Variants in ATP13A5 observed in about 807,000 individuals in gnomAD.
The protein encoded by ATP13A5 is probable cation-transporting ATPase 13A5.
ATP13A5 carries 149 observed loss-of-function variants against 150.2 expected under a neutral mutation model. The ratio of observed to expected loss-of-function variants is 0.99; its 90% CI spans 0.87 to 1.14. ATP13A5 has a LOEUF of 1.14. ATP13A5 is among the 50% of genes most tolerant of loss of function. The pLI is 0.00. For synonymous variants in ATP13A5, 497 were observed against 522.2 expected (o/e 0.95, Z 0.66); for missense variants, 1,383 against 1,449.3 (o/e 0.95, Z 0.74).
At chr3:193,304,432 C>T (rs934124726) in intron 23 of ATP13A5, among the ~76,000 whole-genome samples, 1 of 152,118 alleles carries the variant, frequency 6.6e-6, no homozygotes, top group African/African-American at 2.4e-5. Flanking sequence ...ACCTTTAGGT[C>T]AGTGATTCCT....
chr3:193,374,301 C>CACACACACACACACACAG (rs1441073312), intron 1 of ATP13A5, among the ~76,000 whole-genome samples: 3 of 144,226 alleles, frequency 2.1e-5, no homozygotes, highest in African/African-American at 7.7e-5. Flanking sequence ...CACACACACA[C>CACACACACACACACACAG]AGAGAGAGAG....
intron 5 of ATP13A5, among the ~76,000 whole-genome samples, chr3:193,361,162 C>T (rs1369221377): frequency 2.0e-5 from 3 of 152,162 alleles, no homozygotes; most frequent in Non-Finnish European, 4.4e-5. Flanking sequence ...CTTTACATGC[C>T]TTGTATTTAG....
chr3:193,344,030 G>T lies in ATP13A5; in HGVS notation c.840C>A (p.Leu280=), dbSNP rs765383922. The change falls in exon 9 of 30, where the codon CTC becomes CTA. Residue 280 remains leucine, a synonymous_variant. Coordinates refer to ENST00000342358, the MANE Select transcript of ATP13A5 (RefSeq NM_198505.4). ...DKGLEELESR[L]LVPGDILILP... is the part of the protein sequence containing the mutation. ...GAATAAGAATGTCTCCGGGAACCAA[G>T]AGACGGGATTCCAGCTCCTCCAAAC... The T allele has an allele frequency of 5.0e-6, 8 of 1,613,134 alleles. No homozygotes were observed. In the Admixed American group the frequency reaches 1.0e-4, roughly 20 times the overall value.
At chr3:193,330,860 A>T (rs1189965505) in intron 12 of ATP13A5, among the ~76,000 whole-genome samples, 4 of 152,306 alleles carry the variant, frequency 2.6e-5, no homozygotes, top group Admixed American at 6.5e-5. Flanking sequence ...AGATGGTTTT[A>T]AAAAAACCAC....
chr3:193,276,847 A>G lies in ATP13A5; in HGVS notation c.3316-17T>C. 9 of 1,587,540 alleles carry G rather than the reference A, an allele frequency of 5.7e-6. No individual in the cohort carries two copies. The highest frequency in any genetic ancestry group is 2.2e-5 in the East Asian group (1 of 44,706). On this transcript the variant is annotated splice_polypyrimidine_tract_variant and intron_variant, in intron 28 of 29. Transcript: ENST00000342358. ...TGGGATCAACTGTTGAAAAACAAAT[A>G]CCATTATTATATTTTGCACACTTCA...
At chr3:193,301,737 G>T (rs1488296251) in intron 23 of ATP13A5, among the ~76,000 whole-genome samples, 1 of 152,162 alleles carries the variant, frequency 6.6e-6, no homozygotes, top group African/African-American at 2.4e-5. Flanking sequence ...ATTGCATTGT[G>T]TGTGCTTTAG....
Position 193,315,163 on chromosome 3 carries a change from T to C in ATP13A5, c.2034-67A>G. On this transcript the variant is annotated intron_variant, in intron 17 of 29. Transcript: ENST00000342358. ...TAGGCTCCATAGTTCAATTTATTTC[T>C]TCTTTTAAAAATTTATAAGTTTTAT... 6 of 1,485,072 alleles carry C rather than the reference T, an allele frequency of 4.0e-6. No individual in the cohort carries two copies. The South Asian group carries it at 6.5e-5, about 16-fold the overall frequency. 92.0% of individuals were successfully genotyped at this position (1,485,072 alleles called of 1,614,324 possible).
chr3:193,330,470 C>T (rs951963244), intron 12 of ATP13A5, among the ~76,000 whole-genome samples: 1 of 152,286 alleles, frequency 6.6e-6, no homozygotes, highest in Non-Finnish European at 1.5e-5. Context: ...AGCAGTTAAA[C>T]TGGCCTGTCC....
intron 3 of ATP13A5, among the ~76,000 whole-genome samples, chr3:193,363,019 C>T (rs1160474722): frequency 6.6e-6 from 1 of 152,042 alleles, no homozygotes; most frequent in Non-Finnish European, 1.5e-5. Context: ...CCAGGCTGGT[C>T]TCAAACTCCT....
intron 25 of ATP13A5, among the ~76,000 whole-genome samples, chr3:193,292,101 T>C (rs979993982): frequency 7.2e-5 from 11 of 151,934 alleles, no homozygotes; most frequent in African/African-American, 2.7e-4. Context: ...ATCTGTAAAG[T>C]TTGGCCTAAT....
intron 6 of ATP13A5, 122 bp from the exon 7 acceptor site, chr3:193,351,323 A>G: frequency 8.4e-7 from 1 of 1,188,018 alleles, no homozygotes; most frequent in Non-Finnish European, 1.2e-6. Flanking sequence ...TCTAATATTT[A>G]AGAATTCACT....
Position 193,373,840 on chromosome 3 carries a change from G to A in ATP13A5, c.63+4823C>T, listed in dbSNP as rs548597617. Among the ~76,000 whole-genome samples, 5 of 152,330 alleles carry A rather than the reference G, an allele frequency of 3.3e-5. No homozygotes were observed. The South Asian group carries it at 1.0e-3, about 32-fold the overall frequency. On this transcript the variant is annotated intron_variant, in intron 1 of 29. Coordinates refer to ENST00000342358, the MANE Select transcript of ATP13A5 (RefSeq NM_198505.4). ...TCCAGGGCTCTGCCACTGTTCAGCA[G>A]AAGAAAATTACTTCGAAGCAAAATG... is the stretch of plus-strand genomic sequence containing the variant.
rs1263680102 is a variant in ATP13A5 at position 193,310,319 on chromosome 3, G to A, written c.2525+319C>T. Reference sequence around the variant, plus strand: ...TGTCTTTGCTATTGTGAATAGTGCTGCAGTGAACAGTCACATGCATGTGTC... The same window carrying A: ...TGTCTTTGCTATTGTGAATAGTGCTACAGTGAACAGTCACATGCATGTGTC... On this transcript the variant is annotated intron_variant, in intron 21 of 29. Coordinates refer to ENST00000342358, the MANE Select transcript of ATP13A5 (RefSeq NM_198505.4). Among the ~76,000 whole-genome samples the A allele has an allele frequency of 5.9e-5, 9 of 152,296 alleles. No individual in the cohort carries two copies. In the East Asian group the frequency reaches 1.5e-3, roughly 26 times the overall value.
chr3:193,336,924 C>T (rs1711892956), intron 9 of ATP13A5, among the ~76,000 whole-genome samples: 2 of 152,154 alleles, frequency 1.3e-5, no homozygotes, highest in Non-Finnish European at 2.9e-5. Flanking sequence ...TTAATGATTG[C>T]CATTCTAACT....
At position 193,362,574 on chromosome 3, in the gene ATP13A5, T is replaced by C. The variant is rs779339356; in HGVS notation, c.448A>G (p.Lys150Glu). The C allele has an allele frequency of 1.2e-6, 2 of 1,614,186 alleles. No homozygotes were observed. The highest frequency in any genetic ancestry group is 1.7e-6 in the Non-Finnish European group (2 of 1,180,016). ...ACAAAACATTGTACTTACCCAACTT[T>C]CTGAAACCGCTTCTCCAGGTCGTTC... ...VWNDLEKRFQ[K>E]VGLLEDSNSC... The change falls in exon 4 of 30, where the codon AAA becomes GAA. Residue 150 changes from lysine to glutamate, a missense_variant. Around this residue, in one of 3 missense-constraint regions of ATP13A5, gnomAD observed 787 missense variants for 771.9 expected, o/e 1.02. Transcript: ENST00000342358.
chr3:193,294,301 T>C (rs1189159228), intron 25 of ATP13A5, among the ~76,000 whole-genome samples: 1 of 149,606 alleles, frequency 6.7e-6, no homozygotes, highest in Non-Finnish European at 1.5e-5. Context: ...TGTTCTTAGA[T>C]TTTTTTGAGA....
chr3:193,275,213 C>A lies in ATP13A5; in HGVS notation c.3486G>T (p.Lys1162Asn). The change falls in exon 30 of 30, where the codon AAG (lysine) becomes AAT (asparagine). Residue 1162 changes from lysine (K) to asparagine (N), a missense_variant. By Grantham distance (94) the Lys-to-Asn change is moderately conservative (BLOSUM62 0). Transcript: ENST00000342358. ...YSKSQYRTWQ[K>N]KLAEDSTWPP... ...GCCAGGTTGAGTCTTCTGCTAGCTTCTTTTGCCAAGTCCTATATTGACTTT... is the reference window on the plus strand; with the variant it reads ...GCCAGGTTGAGTCTTCTGCTAGCTTATTTTGCCAAGTCCTATATTGACTTT... 6.2e-7 allele frequency: 1 copy of A among 1,614,172 alleles called. No homozygotes were observed. Among genetic ancestry groups the A allele is most frequent in the Non-Finnish European group, 8.5e-7 (1 of 1,180,024 alleles).
chr3:193,378,685 T>C lies in ATP13A5; in HGVS notation c.41A>G (p.Asn14Ser), dbSNP rs372420123. 3.3e-5 allele frequency: 53 copies of C among 1,613,864 alleles called. No homozygotes were observed. The highest frequency in any genetic ancestry group is 3.6e-5 in the Non-Finnish European group (43 of 1,179,866). Residue 14 changes from asparagine to serine, a missense_variant, in exon 1 of 30, where the codon AAC becomes AGC. By Grantham distance (46) the Asn-to-Ser change is conservative. This residue lies in a region of ATP13A5 where 787 missense variants were observed against 771.9 expected (regional missense o/e 1.02). Transcript: ENST00000342358. ...NSKKDHRALL[N>S]QGEEDELEVF... The stretch of plus-strand genomic sequence containing the variant: ...CACCAGTTCATCCTCCTCTCCCTGG[T>C]TGAGCAAAGCCCGATGGTCCTTCTT...
chr3:193,322,497 G>A lies in ATP13A5; in HGVS notation c.1752C>T (p.Ala584=). The A allele has an allele frequency of 6.2e-7, 1 of 1,612,438 alleles. No homozygotes were observed. The highest frequency in any genetic ancestry group is 8.5e-7 in the Non-Finnish European group (1 of 1,178,610). ...VSNIIKPGPK[A]SKSPVEAIIT... is the part of the protein sequence containing the mutation. ...GTAAAGAAGGAAATCATACCTTACT[G>A]GCTTTTGGTCCTGGTTTTATGATGT... Residue 584 remains alanine (A), a synonymous_variant, in exon 15 of 30, where the codon GCC becomes GCT. Transcript: ENST00000342358.
Sources: allele counts gnomAD v4.1 joint callset (sites outside exome capture counted in the v4.1 genomes callset), GRCh38; gene constraint gnomAD v4.1.1; regional missense constraint gnomAD v4.1.1; transcripts MANE v1.5; gene names NCBI Gene and HGNC (gene_info 2026-07-23, HGNC 2026-07-21).